The following DPP6 variants were observed in gnomAD, a reference collection of about 807,000 sequenced individuals.
DPP6 encodes the protein dipeptidyl peptidase like 6.
A neutral mutation model predicts 122.6 loss-of-function variants in DPP6; 69 were observed. The observed-to-expected ratio is 0.56, with a 90% CI of 0.46 to 0.69. DPP6 has a LOEUF of 0.69. Ranked by LOEUF, DPP6 falls within the 30% of genes least tolerant of loss-of-function variation. The probability of loss-of-function intolerance (pLI) is 0.00; values close to 1 mark genes in which losing one functional copy is unlikely to be tolerated. For missense variants in DPP6, 928 were observed against 1,116.9 expected (o/e 0.83, Z 2.41); for synonymous variants, 418 against 433.1 (o/e 0.97, Z 0.43).
In DPP6 at chr7:153,928,396, A is replaced by ATTTTTTTTTTTT. The variant is rs71182854; in HGVS notation, c.51+40676_51+40687dup. Among the ~76,000 whole-genome samples, 187 of 43,678 alleles carry ATTTTTTTTTTTT rather than the reference A, an allele frequency of 4.3e-3. 29 individuals are homozygous for ATTTTTTTTTTTT. Among genetic ancestry groups the ATTTTTTTTTTTT allele is most frequent in the African/African-American group, 7.9e-3 (100 of 12,638 alleles). 28.7% of individuals were successfully genotyped at this position (43,678 alleles called of 152,430 possible). A position where few individuals can be genotyped will look rare whatever the true frequency, so the allele number is the denominator to read the frequency against. On this transcript the variant is annotated intron_variant, in intron 1 of 25. Coordinates refer to the DPP6 transcript ENST00000404039. ...CTGGCTAATTTTTTTCTTTTCTTTC[A>ATTTTTTTTTTTT]TTTTTTTTTTTTTTTTTTTTTTTTT... is the stretch of plus-strand genomic sequence containing the variant.
intron 1 of DPP6, among the ~76,000 whole-genome samples, chr7:154,364,240 C>A (rs1182664665): frequency 3.3e-5 from 5 of 152,154 alleles, no homozygotes; most frequent in African/African-American, 4.8e-5. Flanking sequence ...CATAGTACAT[C>A]ATTTGAAATT....
At chr7:154,482,856 C>CGAG (rs879425240) in intron 3 of DPP6, among the ~76,000 whole-genome samples, 4 of 152,038 alleles carry the variant, frequency 2.6e-5, no homozygotes, top group Non-Finnish European at 5.9e-5. Flanking sequence ...AGAGCACTGT[C>CGAG]AAGGCTGACT....
the DPP6 span, among the ~76,000 whole-genome samples, chr7:153,791,735 A>G: frequency 1.3e-5 from 2 of 152,144 alleles, no homozygotes; most frequent in Admixed American, 1.3e-4. Context: ...CTCATTTTCA[A>G]TGCTATATAT....
At chr7:153,979,532 T>A (rs550259187) in intron 1 of DPP6, among the ~76,000 whole-genome samples, 1 of 152,372 alleles carries the variant, frequency 6.6e-6, no homozygotes, top group East Asian at 1.9e-4. Flanking sequence ...TGAATATGCT[T>A]TATTTCTTTC....
In DPP6 at chr7:154,774,552, G is replaced by A. The variant is rs537860970; in HGVS notation, c.1136+1610G>A. Among the ~76,000 whole-genome samples the A allele has an allele frequency of 6.6e-5, 10 of 152,330 alleles. No homozygotes were observed. The South Asian group carries it at 2.1e-3, about 32-fold the overall frequency. On this transcript the variant is annotated intron_variant, in intron 10 of 25. Coordinates refer to ENST00000377770, the MANE Select transcript of DPP6 (RefSeq NM_130797.4). ...GTCAGCCAGGACTTGAAGCCTGGAT[G>A]CTGGGCTTCAGGTTTTCTGGTTGCT...
At chr7:154,342,385 G>T (rs1810010030) in intron 1 of DPP6, among the ~76,000 whole-genome samples, 1 of 152,194 alleles carries the variant, frequency 6.6e-6, no homozygotes, top group Admixed American at 6.5e-5. Context: ...TCACATGTTT[G>T]GGGGTTCTAG....
intron 7 of DPP6, among the ~76,000 whole-genome samples, chr7:154,684,592 C>T (rs1428454206): frequency 6.6e-6 from 1 of 152,218 alleles, no homozygotes; most frequent in African/African-American, 2.4e-5. Context: ...TCTCTAGCCA[C>T]ACCCTGTGGC....
the DPP6 span, among the ~76,000 whole-genome samples, chr7:153,797,748 G>C: frequency 1.5e-4 from 23 of 151,960 alleles, no homozygotes; most frequent in Admixed American, 2.6e-4. Flanking sequence ...ATGCTTCTTG[G>C]TGAATTCTTT....
intron 1 of DPP6, among the ~76,000 whole-genome samples, chr7:154,173,759 C>T (rs1463143601): frequency 6.6e-6 from 1 of 152,194 alleles, no homozygotes; most frequent in East Asian, 1.9e-4. Flanking sequence ...ACCCTTTCTG[C>T]AGGCTCACCA....
At chr7:154,709,999 T>C (rs1406474568) in intron 7 of DPP6, among the ~76,000 whole-genome samples, 1 of 152,148 alleles carries the variant, frequency 6.6e-6, no homozygotes, top group African/African-American at 2.4e-5. Context: ...CTGGACTCAG[T>C]AGGATCTGGG....
At chr7:154,306,616 T>C (rs1806370665) in intron 1 of DPP6, among the ~76,000 whole-genome samples, 1 of 152,218 alleles carries the variant, frequency 6.6e-6, no homozygotes, top group African/African-American at 2.4e-5. Context: ...CTTCAGAGAC[T>C]TACACGAAGA....
chr7:153,778,699 G>T, the DPP6 span, among the ~76,000 whole-genome samples: 1 of 152,026 alleles, frequency 6.6e-6, no homozygotes, highest in Admixed American at 6.5e-5. Flanking sequence ...AGTGAGGCCA[G>T]TATGGGGGCA....
chr7:154,420,420 C>T (rs1217464186), intron 1 of DPP6, among the ~76,000 whole-genome samples: 1 of 152,120 alleles, frequency 6.6e-6, no homozygotes, highest in Non-Finnish European at 1.5e-5. Flanking sequence ...GGGACAAATA[C>T]CGTGTGATTC....
intron 1 of DPP6, among the ~76,000 whole-genome samples, chr7:154,196,908 CG>C (rs1798897422): frequency 6.6e-6 from 1 of 152,052 alleles, no homozygotes; most frequent in Non-Finnish European, 1.5e-5. Flanking sequence ...CCCTAATAAG[CG>C]TATGTGTTCC....
At chr7:154,634,149 T>C (rs1835577388) in intron 5 of DPP6, among the ~76,000 whole-genome samples, 1 of 141,670 alleles carries the variant, frequency 7.1e-6, no homozygotes, top group South Asian at 2.6e-4. Context: ...CTCCTAATGC[T>C]ATCCCTCCCC....
the DPP6 span, among the ~76,000 whole-genome samples, chr7:153,846,675 G>T: frequency 1.4e-5 from 2 of 147,250 alleles, no homozygotes; most frequent in South Asian, 4.3e-4. Flanking sequence ...TAGAGCTCAA[G>T]GTGGCTTGGT....
rs910618048 is a variant in DPP6 at position 154,481,595 on chromosome 7, C to T, written c.457+6558C>T. On this transcript the variant is annotated intron_variant, in intron 3 of 25. Transcript: ENST00000377770. The surrounding 1 kb of genome is among the most constrained non-coding windows in gnomAD (Gnocchi z 4.2). Reference sequence around the variant, plus strand: ...TCCTGACTCATCATTGGCCATCTCCCCAGTTTTCTCTTAAACTTTGCCTAC... The same window carrying T: ...TCCTGACTCATCATTGGCCATCTCCTCAGTTTTCTCTTAAACTTTGCCTAC... Among the ~76,000 whole-genome samples, 2 of 151,904 alleles carry T rather than the reference C, an allele frequency of 1.3e-5. No homozygotes were observed. The highest frequency in any genetic ancestry group is 3.9e-4 in the East Asian group (2 of 5,144).
rs555822581 is a variant in DPP6 at position 154,880,700 on chromosome 7, T to A, written c.2079-188T>A. On this transcript the variant is annotated intron_variant, in intron 20 of 25. Coordinates refer to ENST00000377770, the MANE Select transcript of DPP6 (RefSeq NM_130797.4). ...GCAAGGGTGCTTTGAGGTTTTAACG[T>A]GAACATGCTGACTTGGCACTAAATA... 7.2e-5 allele frequency among the ~76,000 whole-genome samples: 11 copies of A among 152,316 alleles called. No homozygotes were observed. In the East Asian group the frequency reaches 2.1e-3, roughly 29 times the overall value.
intron 1 of DPP6, among the ~76,000 whole-genome samples, chr7:154,065,818 T>C (rs1467286168): frequency 6.6e-6 from 1 of 151,974 alleles, no homozygotes; most frequent in Admixed American, 6.6e-5. Context: ...CCTCAGGGAA[T>C]GGGGCAAGTT....
Sources: gnomAD v4.1 joint callset for allele counts (sites outside exome capture counted in the v4.1 genomes callset) on GRCh38, gnomAD v4.1.1 for gene constraint, Gnocchi (gnomAD v3.1) non-coding constraint, MANE v1.5 for transcripts, NCBI Gene and HGNC (gene_info 2026-07-23, HGNC 2026-07-21) for gene names.